The following WWC1 variants were observed in gnomAD, a reference collection of about 807,000 sequenced individuals.
WWC1 encodes WW and C2 domain containing 1, also known as protein KIBRA.
In WWC1, 55 loss-of-function variants were observed where a neutral mutation model predicts 138.4. That is an observed-to-expected ratio of 0.40 (90% CI 0.32 to 0.50). The LOEUF is 0.50. Ranked by LOEUF, WWC1 falls within the 20% of genes least tolerant of loss-of-function variation. The probability of loss-of-function intolerance (pLI) is 0.72; values close to 1 mark genes in which losing one functional copy is unlikely to be tolerated. For missense variants in WWC1, 1,226 were observed against 1,420.4 expected, an observed-to-expected ratio of 0.86 and a Z score of 2.20; for synonymous variants, 524 against 564.9, an observed-to-expected ratio of 0.93 and a Z score of 1.03.
intron 1 of WWC1, among the ~76,000 whole-genome samples, chr5:168,339,868 T>TCTCC (rs1773851007): frequency 6.9e-6 from 1 of 144,370 alleles, no homozygotes; most frequent in East Asian, 2.0e-4. Flanking sequence ...TTTCTCTCTC[T>TCTCC]CTCTCTCCCT....
chr5:168,293,006 T>A (rs577542780), intron 1 of WWC1, among the ~76,000 whole-genome samples: 2 of 152,244 alleles, frequency 1.3e-5, no homozygotes, highest in East Asian at 3.9e-4. Flanking sequence ...CTTTCTCCTC[T>A]CTTTCTTCCC....
chr5:168,454,456 A>G (rs1244536691), intron 18 of WWC1, among the ~76,000 whole-genome samples: 1 of 152,252 alleles, frequency 6.6e-6, no homozygotes, highest in Non-Finnish European at 1.5e-5. Flanking sequence ...AAATGGGCAC[A>G]ATAATACCAA....
intron 5 of WWC1, among the ~76,000 whole-genome samples, chr5:168,403,047 TTTC>T (rs1779465387): frequency 3.0e-5 from 4 of 132,028 alleles, no homozygotes; most frequent in African/African-American, 6.6e-5. Flanking sequence ...TCTTTCTTTC[TTTC>T]TTTCTTTCTT....
chr5:168,348,818 G>A (rs866971309), intron 1 of WWC1, among the ~76,000 whole-genome samples: 4 of 152,084 alleles, frequency 2.6e-5, no homozygotes, highest in Non-Finnish European at 4.4e-5. Context: ...CTGCAGCCTG[G>A]GATCTTTGCT....
chr5:168,436,162 G>A (rs113673727), intron 15 of WWC1, among the ~76,000 whole-genome samples: 9 of 152,066 alleles, frequency 5.9e-5, no homozygotes, highest in Non-Finnish European at 1.2e-4. Flanking sequence ...TCTTTGTACC[G>A]AGGGTGTGCT....
chr5:168,390,291 C>T (rs1413637110), intron 3 of WWC1, among the ~76,000 whole-genome samples: 1 of 152,034 alleles, frequency 6.6e-6, no homozygotes, highest in Non-Finnish European at 1.5e-5. Context: ...TTAGTTCATT[C>T]GCATTGTAAA....
intron 16 of WWC1, 74 bp from the exon 17 acceptor site, chr5:168,444,420 A>G: frequency 7.0e-7 from 1 of 1,428,176 alleles, no homozygotes; most frequent in Non-Finnish European, 9.6e-7. Context: ...CACAGCTCTG[A>G]GATGCTCTGA....
intron 3 of WWC1, among the ~76,000 whole-genome samples, chr5:168,393,656 C>T (rs533375976): frequency 6.6e-6 from 1 of 152,068 alleles, no homozygotes; most frequent in South Asian, 2.1e-4. Context: ...GTGGGTAGAC[C>T]ATGAAAAGGA....
intron 1 of WWC1, among the ~76,000 whole-genome samples, chr5:168,309,837 C>T (rs1770908221): frequency 6.6e-6 from 1 of 152,190 alleles, no homozygotes; most frequent in Non-Finnish European, 1.5e-5. Flanking sequence ...CCTCCTCTGC[C>T]ATGAAGCCAC....
intron 17 of WWC1, among the ~76,000 whole-genome samples, chr5:168,449,446 A>T (rs1755593553): frequency 6.6e-6 from 1 of 152,034 alleles, no homozygotes. Context: ...CTCTTTGAGC[A>T]CTGTTGTGAG....
intron 3 of WWC1, among the ~76,000 whole-genome samples, chr5:168,388,185 G>A (rs1778187446): frequency 6.6e-6 from 1 of 152,130 alleles, no homozygotes; most frequent in South Asian, 2.1e-4. Context: ...ATGCAATAAA[G>A]ATATCATGAA....
intron 1 of WWC1, among the ~76,000 whole-genome samples, chr5:168,356,620 A>G (rs184297870): frequency 3.9e-5 from 6 of 152,288 alleles, no homozygotes; most frequent in Admixed American, 2.0e-4. Context: ...CCTTAGTGTC[A>G]CCTTCTTCCC....
At chr5:168,450,482 A>G (rs1447054064) in intron 17 of WWC1, among the ~76,000 whole-genome samples, 1 of 152,174 alleles carries the variant, frequency 6.6e-6, no homozygotes, top group Admixed American at 6.5e-5. Flanking sequence ...CCTGGCCAAC[A>G]TGGTGAAACA....
intron 9 of WWC1, among the ~76,000 whole-genome samples, chr5:168,421,478 A>G (rs910652126): frequency 3.3e-5 from 5 of 152,142 alleles, no homozygotes; most frequent in Non-Finnish European, 7.3e-5. Context: ...GTATTTCTTT[A>G]ATATCGGTTC....
At chr5:168,377,015 A>C (rs1434183566) in intron 2 of WWC1, among the ~76,000 whole-genome samples, 1 of 152,212 alleles carries the variant, frequency 6.6e-6, no homozygotes, top group African/African-American at 2.4e-5. Context: ...GCATCATATT[A>C]TCCAACTTCA....
intron 1 of WWC1, among the ~76,000 whole-genome samples, chr5:168,310,712 T>C (rs2152748382): frequency 6.6e-6 from 1 of 152,114 alleles, no homozygotes; most frequent in East Asian, 1.9e-4. Context: ...AGTGCATGCC[T>C]GTGGTTCCAT....
intron 9 of WWC1, chr5:168,416,487 A>T (rs1446294104): frequency 6.6e-6 from 1 of 152,254 alleles, no homozygotes; most frequent in Non-Finnish European, 1.5e-5. Flanking sequence ...TTGAAAGAAT[A>T]AATGGTTAGC....
At chr5:168,350,248 G>A (rs530630658) in intron 1 of WWC1, among the ~76,000 whole-genome samples, 1 of 152,294 alleles carries the variant, frequency 6.6e-6, no homozygotes, top group Admixed American at 6.5e-5. Context: ...GCAAAAAGAG[G>A]TCTCTCTTAT....
chr5:168,455,484 C>T lies in WWC1; in HGVS notation c.2787C>T (p.Thr929=). Residue 929 remains threonine, a synonymous_variant, in exon 19 of 23, where the codon ACC becomes ACT. Coordinates refer to ENST00000265293, the MANE Select transcript of WWC1 (RefSeq NM_015238.3). ...LRGSTIIRSK[T]FSPGPQSQYV... is the part of the protein sequence containing the mutation. Reference sequence around the variant, plus strand: ...GGAGCACCATCATCCGCTCTAAGACCTTCTCCCCAGGACCCCAGAGCCAGT... The same window carrying T: ...GGAGCACCATCATCCGCTCTAAGACTTTCTCCCCAGGACCCCAGAGCCAGT... The T allele has an allele frequency of 6.2e-7, 1 of 1,613,154 alleles. No homozygotes were observed. The highest frequency in any genetic ancestry group is 8.5e-7 in the Non-Finnish European group (1 of 1,179,594).
Sources: gnomAD v4.1 joint callset for allele counts (sites outside exome capture counted in the v4.1 genomes callset) on GRCh38, gnomAD v4.1.1 for gene constraint, MANE v1.5 for transcripts, NCBI Gene and HGNC (gene_info 2026-07-23, HGNC 2026-07-21) for gene names.